The following CSNK1G1 variants were observed in gnomAD, a reference collection of about 807,000 sequenced individuals.
CSNK1G1 encodes the protein casein kinase 1 gamma 1, also known as casein kinase I isoform gamma-1.
Under a neutral mutation model 59.6 loss-of-function variants are expected in CSNK1G1, and 22 were observed. That is an observed-to-expected ratio of 0.37 (90% CI 0.26 to 0.53). The LOEUF (loss-of-function observed/expected upper bound fraction) is 0.53, where lower values mean the gene tolerates loss of function less well. Among genes scored for constraint, CSNK1G1 ranks in the 20% least tolerant of loss-of-function variants. The pLI is 0.89. For missense variants in CSNK1G1, 384 were observed against 519.5 expected, an observed-to-expected ratio of 0.74 and a Z score of 2.54; for synonymous variants, 179 against 177.1, an observed-to-expected ratio of 1.01 and a Z score of -0.08.
intron 5 of CSNK1G1, among the ~76,000 whole-genome samples, chr15:64,215,859 G>T (rs1482216699): frequency 6.6e-6 from 1 of 152,188 alleles, no homozygotes; most frequent in Non-Finnish European, 1.5e-5. Context: ...AGTGCAATGG[G>T]TTATAACATC....
At chr15:64,286,397 CT>C (rs1158654997) in intron 2 of CSNK1G1, among the ~76,000 whole-genome samples, 255 of 139,118 alleles carry the variant, frequency 1.8e-3, no homozygotes, top group African/African-American at 6.4e-3. Context: ...ATATTGTTAA[CT>C]CATATTGTTA....
chr15:64,222,143 G>A (rs1357253394), intron 4 of CSNK1G1, among the ~76,000 whole-genome samples: 1 of 151,984 alleles, frequency 6.6e-6, no homozygotes, highest in East Asian at 1.9e-4. Flanking sequence ...GAATGAAGCT[G>A]GAAGCCATCA....
At chr15:64,224,901 G>A (rs1227262228) in intron 4 of CSNK1G1, among the ~76,000 whole-genome samples, 1 of 151,938 alleles carries the variant, frequency 6.6e-6, no homozygotes, top group African/African-American at 2.4e-5. Context: ...GAGCCTTAAA[G>A]CAGGCTTAAC....
At chr15:64,290,921 C>A (rs540714197) in intron 2 of CSNK1G1, among the ~76,000 whole-genome samples, 131 of 152,182 alleles carry the variant, frequency 8.6e-4, no homozygotes, top group African/African-American at 3.0e-3. Flanking sequence ...ACCACGTTGG[C>A]CAGGCTGGTC....
At position 64,188,342 on chromosome 15, in the gene CSNK1G1, A is replaced by G; in HGVS notation, c.1108-7888T>C. On this transcript the variant is annotated intron_variant, in intron 10 of 11. Coordinates refer to ENST00000303052, the MANE Select transcript of CSNK1G1 (RefSeq NM_022048.5). This position sits in a 1 kb window ranked among gnomAD's most constrained non-coding sequence, Gnocchi z 4.2. ...CAACATTCCACCAGCCAAGCTGGAA[A>G]GGCCAGGAAAAGGCAATAAAGGCAG... 6.8e-7 allele frequency: 1 copy of G among 1,480,154 alleles called. No individual in the cohort carries two copies. Among genetic ancestry groups the G allele is most frequent in the Non-Finnish European group, 9.1e-7 (1 of 1,100,012 alleles). 91.7% of individuals were successfully genotyped at this position (1,480,154 alleles called of 1,614,324 possible). A position where few individuals can be genotyped will look rare whatever the true frequency, so the allele number is the denominator to read the frequency against.
chr15:64,316,452 A>G (rs904949474), intron 1 of CSNK1G1, among the ~76,000 whole-genome samples: 1 of 149,936 alleles, frequency 6.7e-6, no homozygotes, highest in African/African-American at 2.5e-5. Context: ...AGGAGAATCA[A>G]TGGAACTCAG....
At chr15:64,254,714 T>C (rs950928061) in intron 3 of CSNK1G1, among the ~76,000 whole-genome samples, 2 of 152,244 alleles carry the variant, frequency 1.3e-5, no homozygotes, top group Admixed American at 6.5e-5. Context: ...TCTTATTAGA[T>C]AATATTATTT....
chr15:64,174,491 A>T (rs2081717693), intron 11 of CSNK1G1, among the ~76,000 whole-genome samples: 1 of 152,248 alleles, frequency 6.6e-6, no homozygotes, highest in Non-Finnish European at 1.5e-5. Context: ...AAACTGGGTC[A>T]GACTCTAGAC....
At chr15:64,241,852 A>T (rs1891479052) in intron 4 of CSNK1G1, among the ~76,000 whole-genome samples, 1 of 152,078 alleles carries the variant, frequency 6.6e-6, no homozygotes, top group Admixed American at 6.5e-5. Context: ...GAGAGAAATA[A>T]TAAAGAGCAG....
chr15:64,311,540 A>G (rs976400094), intron 1 of CSNK1G1, among the ~76,000 whole-genome samples: 15 of 152,148 alleles, frequency 9.9e-5, no homozygotes, highest in Non-Finnish European at 1.8e-4. Flanking sequence ...ATATTCCCAG[A>G]TACTTAGGAG....
intron 2 of CSNK1G1, among the ~76,000 whole-genome samples, chr15:64,272,877 T>G (rs1407757053): frequency 2.6e-5 from 4 of 151,998 alleles, no homozygotes; most frequent in Admixed American, 1.3e-4. Flanking sequence ...CACATCCAGC[T>G]AATTTTTGTA....
At chr15:64,286,377 T>A (rs1021696777) in intron 2 of CSNK1G1, among the ~76,000 whole-genome samples, 1 of 151,606 alleles carries the variant, frequency 6.6e-6, no homozygotes, top group African/African-American at 2.4e-5. Context: ...TTAACAATAT[T>A]GTTAACAATA....
chr15:64,308,096 T>C (rs893268077), intron 1 of CSNK1G1, among the ~76,000 whole-genome samples: 1 of 152,188 alleles, frequency 6.6e-6, no homozygotes, highest in South Asian at 2.1e-4. Context: ...TTTTATCTTA[T>C]TTCCTTATAA....
chr15:64,171,250 G>GT lies in CSNK1G1; in HGVS notation c.*680dup, dbSNP rs1000087779. 1 of 152,648 alleles carries GT rather than the reference G, an allele frequency of 6.6e-6. No homozygotes were observed. The highest frequency in any genetic ancestry group is 1.5e-5 in the Non-Finnish European group (1 of 68,054). The allele number at this position is 152,648 out of a possible 1,614,324, so 9.5% of individuals were successfully genotyped here. A position where few individuals can be genotyped will look rare whatever the true frequency, so the allele number is the denominator to read the frequency against. ...ATTGTCCTACTACCTGGAGAAAAGAGTTTGTCAAAAAAGCTAAGAACGCCA... is the reference window on the plus strand; with the variant it reads ...ATTGTCCTACTACCTGGAGAAAAGAGTTTTGTCAAAAAAGCTAAGAACGCCA... On this transcript the variant is annotated 3_prime_UTR_variant, in exon 12 of 12. Transcript: ENST00000303052. The surrounding 1 kb of genome is among the most constrained non-coding windows in gnomAD (Gnocchi z 4.8).
At chr15:64,237,676 A>G (rs1319823169) in intron 4 of CSNK1G1, among the ~76,000 whole-genome samples, 1 of 152,196 alleles carries the variant, frequency 6.6e-6, no homozygotes, top group African/African-American at 2.4e-5. Flanking sequence ...TCACAACATT[A>G]TAAAAGGGTC....
chr15:64,340,729 G>A (rs1897641037), intron 1 of CSNK1G1, among the ~76,000 whole-genome samples: 1 of 152,146 alleles, frequency 6.6e-6, no homozygotes, highest in South Asian at 2.1e-4. Context: ...CGAGGCCAGA[G>A]GATCACTTGA....
At chr15:64,251,391 C>T (rs781471750) in intron 4 of CSNK1G1, 121 bp downstream of exon 4, 43 of 653,506 alleles carry the variant, frequency 6.6e-5, no homozygotes, top group Middle Eastern at 2.7e-4. Flanking sequence ...TTTACCTATC[C>T]GGCAAGCAGG....
intron 1 of CSNK1G1, among the ~76,000 whole-genome samples, chr15:64,349,350 G>A (rs1199850150): frequency 6.6e-6 from 1 of 152,116 alleles, no homozygotes; most frequent in East Asian, 1.9e-4. Context: ...TCGTGGCAAG[G>A]GCAATGGCTA....
chr15:64,237,348 T>A (rs1460815818), intron 4 of CSNK1G1, among the ~76,000 whole-genome samples: 1 of 152,182 alleles, frequency 6.6e-6, no homozygotes, highest in Non-Finnish European at 1.5e-5. Context: ...CAGAGAGACC[T>A]GAAAAATTTA....
Sources: allele counts gnomAD v4.1 joint callset (sites outside exome capture counted in the v4.1 genomes callset), GRCh38; gene constraint gnomAD v4.1.1; non-coding constraint Gnocchi (gnomAD v3.1); transcripts MANE v1.5; gene names NCBI Gene and HGNC (gene_info 2026-07-23, HGNC 2026-07-21).